The following FSHR variants were observed in gnomAD, a reference collection of about 807,000 sequenced individuals.
FSHR encodes the protein follicle-stimulating hormone receptor.
In FSHR, 46 loss-of-function variants were observed where a neutral mutation model predicts 52.1. That is an observed-to-expected ratio of 0.88 (90% CI 0.70 to 1.13). The LOEUF is 1.13. Ranked by LOEUF, FSHR falls within the 50% of genes most tolerant of loss-of-function variation. The pLI is 0.00. For synonymous variants in FSHR, 399 were observed against 309.6 expected (o/e 1.29, Z -3.03); for missense variants, 964 against 834.6 (o/e 1.16, Z -1.91).
At position 48,963,523 on chromosome 2, in the gene FSHR, G is replaced by T. The variant is rs763676828; in HGVS notation, c.1298C>A (p.Ala433Asp). Residue 433 changes from alanine to aspartate, a missense_variant, in exon 10 of 10, where the codon GCC becomes GAC. Physicochemically the swap from Ala to Asp is moderately radical, Grantham distance 126. Transcript: ENST00000406846. ...IHTKSQYHNY[A>D]IDWQTGAGCD... ...GCCTGCCCCAGTTTGCCAGTCAATGGCATAGTTGTGATATTGGCTCTTGGT... is the reference window on the plus strand; with the variant it reads ...GCCTGCCCCAGTTTGCCAGTCAATGTCATAGTTGTGATATTGGCTCTTGGT... The T allele has an allele frequency of 4.3e-6, 7 of 1,614,088 alleles. No homozygotes were observed. The Admixed American group carries it at 8.3e-5, about 19-fold the overall frequency.
chr2:49,024,084 T>C (rs1362956334), intron 2 of FSHR, among the ~76,000 whole-genome samples: 1 of 152,160 alleles, frequency 6.6e-6, no homozygotes, highest in Non-Finnish European at 1.5e-5. Context: ...ATTTGACAAG[T>C]GCCGAACTGT....
intron 2 of FSHR, among the ~76,000 whole-genome samples, chr2:49,021,587 C>G (rs2104224807): frequency 6.6e-6 from 1 of 151,742 alleles, no homozygotes; most frequent in Non-Finnish European, 1.5e-5. Flanking sequence ...GGAAGTGTGA[C>G]TGTGAGCAGC....
At chr2:49,019,668 A>G (rs937769551) in intron 3 of FSHR, among the ~76,000 whole-genome samples, 7 of 152,216 alleles carry the variant, frequency 4.6e-5, no homozygotes, top group Non-Finnish European at 1.0e-4. Flanking sequence ...TGAGTCTCAG[A>G]TAGTTATCTA....
intron 9 of FSHR, among the ~76,000 whole-genome samples, chr2:48,966,349 A>G (rs960806181): frequency 2.0e-5 from 3 of 152,244 alleles, no homozygotes; most frequent in Admixed American, 6.5e-5. Flanking sequence ...TTGTGAAGAA[A>G]CACAATTTTT....
At chr2:49,127,467 C>A (rs1340600142) in intron 1 of FSHR, among the ~76,000 whole-genome samples, 3 of 151,782 alleles carry the variant, frequency 2.0e-5, no homozygotes, top group South Asian at 2.1e-4. Flanking sequence ...TGAACGTGTC[C>A]TTTCTTTCCT....
chr2:49,091,992 A>G (rs1008760048), intron 1 of FSHR, among the ~76,000 whole-genome samples: 13 of 152,210 alleles, frequency 8.5e-5, no homozygotes, highest in African/African-American at 3.1e-4. Context: ...GAATTTTCTG[A>G]TTATGAACAC....
intron 1 of FSHR, among the ~76,000 whole-genome samples, chr2:49,150,471 CAACAACAAT>C (rs1193725998): frequency 1.3e-5 from 2 of 152,032 alleles, no homozygotes; most frequent in Non-Finnish European, 2.9e-5. Flanking sequence ...TTATTATCAT[CAACAACAAT>C]AACAACATGA....
At chr2:49,072,297 G>A (rs371831193) in intron 1 of FSHR, among the ~76,000 whole-genome samples, 47 of 152,076 alleles carry the variant, frequency 3.1e-4, no homozygotes, top group African/African-American at 9.6e-4. Flanking sequence ...AGAAGACATC[G>A]CAATTATAAT....
intron 8 of FSHR, among the ~76,000 whole-genome samples, chr2:48,973,482 A>T (rs1674837905): frequency 6.6e-6 from 1 of 152,262 alleles, no homozygotes; most frequent in Non-Finnish European, 1.5e-5. Context: ...TTAAATTTTA[A>T]TGAGGCAATA....
At chr2:49,049,824 AATATATATAT>A (rs5831020) in intron 2 of FSHR, among the ~76,000 whole-genome samples, 8,175 of 144,866 alleles carry the variant, frequency 0.056, 494 homozygotes, top group East Asian at 0.21. Flanking sequence ...CCCCTACTCT[AATATATATAT>A]ATATATATAT....
chr2:49,072,907 A>T (rs1669789643), intron 1 of FSHR, among the ~76,000 whole-genome samples: 2 of 152,122 alleles, frequency 1.3e-5, no homozygotes, highest in African/African-American at 2.4e-5. Flanking sequence ...TTATTATAGA[A>T]GGCTTATTTT....
chr2:49,120,313 G>A (rs1671765840), intron 1 of FSHR, among the ~76,000 whole-genome samples: 1 of 152,096 alleles, frequency 6.6e-6, no homozygotes, highest in African/African-American at 2.4e-5. Context: ...GCAACCTTAT[G>A]CTTTAGGTAC....
chr2:49,100,135 C>T (rs1670973751), intron 1 of FSHR, among the ~76,000 whole-genome samples: 1 of 152,078 alleles, frequency 6.6e-6, no homozygotes. Context: ...ATAATCATTC[C>T]AAGTTTCTAG....
chr2:48,988,218 C>T (rs1484328276), intron 6 of FSHR, among the ~76,000 whole-genome samples: 1 of 152,106 alleles, frequency 6.6e-6, no homozygotes, highest in Non-Finnish European at 1.5e-5. Flanking sequence ...ATTTTAAAAA[C>T]TCATACTGGT....
intron 1 of FSHR, among the ~76,000 whole-genome samples, chr2:49,115,835 G>T (rs746749382): frequency 6.6e-6 from 1 of 152,078 alleles, no homozygotes; most frequent in Non-Finnish European, 1.5e-5. Flanking sequence ...TTACTGTCAA[G>T]GACCTCAATC....
chr2:49,006,608 T>G (rs1667084271), intron 4 of FSHR, among the ~76,000 whole-genome samples: 1 of 152,142 alleles, frequency 6.6e-6, no homozygotes, highest in Non-Finnish European at 1.5e-5. Flanking sequence ...AAGTTCCAGC[T>G]ATGTTACCTC....
At chr2:49,102,330 T>C (rs1385694400) in intron 1 of FSHR, among the ~76,000 whole-genome samples, 1 of 152,084 alleles carries the variant, frequency 6.6e-6, no homozygotes, top group Non-Finnish European at 1.5e-5. Flanking sequence ...AAAAATTTGA[T>C]AATGCTGATG....
chr2:49,100,556 C>T (rs1340137487), intron 1 of FSHR, among the ~76,000 whole-genome samples: 1 of 152,244 alleles, frequency 6.6e-6, no homozygotes, highest in South Asian at 2.1e-4. Flanking sequence ...AAACCCTTAC[C>T]CAATCTTCCT....
chr2:49,085,184 G>T (rs1312029841), intron 1 of FSHR, among the ~76,000 whole-genome samples: 1 of 152,118 alleles, frequency 6.6e-6, no homozygotes, highest in Non-Finnish European at 1.5e-5. Flanking sequence ...TGCAAGGCTG[G>T]TTCAATATAT....
Sources: gnomAD v4.1 joint callset for allele counts (sites outside exome capture counted in the v4.1 genomes callset) on GRCh38, gnomAD v4.1.1 for gene constraint, MANE v1.5 for transcripts, NCBI Gene and HGNC (gene_info 2026-07-23, HGNC 2026-07-21) for gene names.